The following GULP1 variants were observed in gnomAD, a reference collection of about 807,000 sequenced individuals.
GULP1 encodes GULP PTB domain containing engulfment adaptor 1.
A neutral mutation model predicts 40.9 loss-of-function variants in GULP1; 19 were observed. The observed-to-expected ratio is 0.46, with a 90% CI of 0.32 to 0.68. The LOEUF (loss-of-function observed/expected upper bound fraction) is 0.68. Ranked by LOEUF, GULP1 falls within the 30% of genes least tolerant of loss-of-function variation. The pLI is 0.03. For missense variants in GULP1, 312 were observed against 362.2 expected, an observed-to-expected ratio of 0.86 and a Z score of 1.12; for synonymous variants, 119 against 117.6, an observed-to-expected ratio of 1.01 and a Z score of -0.08.
intron 2 of GULP1, among the ~76,000 whole-genome samples, chr2:188,388,733 G>C (rs1236125696): frequency 6.6e-6 from 1 of 152,120 alleles, no homozygotes; most frequent in Non-Finnish European, 1.5e-5. Flanking sequence ...AAAATAAAAC[G>C]ATGAAGACAT....
intron 2 of GULP1, among the ~76,000 whole-genome samples, chr2:188,464,985 A>G (rs945140650): frequency 8.6e-5 from 13 of 152,012 alleles, no homozygotes; most frequent in African/African-American, 2.9e-4. Context: ...CTCAGAGCCC[A>G]CTTCATGCTC....
intron 1 of GULP1, among the ~76,000 whole-genome samples, chr2:188,347,348 G>A (rs944274425): frequency 1.3e-5 from 2 of 151,596 alleles, no homozygotes; most frequent in Non-Finnish European, 2.9e-5. Context: ...GCTCCTAATC[G>A]TAATGCTTTG....
At chr2:188,304,508 G>A (rs7593546) in intron 1 of GULP1, among the ~76,000 whole-genome samples, 73,103 of 152,004 alleles carry the variant, frequency 0.48, 18,231 homozygotes, top group East Asian at 0.71. Flanking sequence ...GTGGAACCAG[G>A]GCAATTGGTA....
At chr2:188,325,898 A>G (rs768467214) in intron 1 of GULP1, among the ~76,000 whole-genome samples, 14 of 152,160 alleles carry the variant, frequency 9.2e-5, no homozygotes, top group Admixed American at 5.9e-4. Flanking sequence ...CTCTGAACCA[A>G]TGCTTTTGTT....
intron 1 of GULP1, among the ~76,000 whole-genome samples, chr2:188,319,975 G>A (rs1266497832): frequency 2.0e-5 from 3 of 152,116 alleles, no homozygotes; most frequent in African/African-American, 7.2e-5. Flanking sequence ...ACTCTTTGTT[G>A]TCAAGGGAGT....
chr2:188,403,797 T>C (rs1270977892), intron 2 of GULP1, among the ~76,000 whole-genome samples: 2 of 152,198 alleles, frequency 1.3e-5, no homozygotes, highest in Non-Finnish European at 2.9e-5. Context: ...AGTAACTCAT[T>C]GCTAAGTTGG....
intron 2 of GULP1, among the ~76,000 whole-genome samples, chr2:188,431,410 C>A (rs369945329): frequency 6.6e-6 from 1 of 151,994 alleles, no homozygotes; most frequent in Admixed American, 6.5e-5. Flanking sequence ...AAAGGGTGGA[C>A]AGTTGAAAGC....
intron 7 of GULP1, among the ~76,000 whole-genome samples, chr2:188,557,700 C>G (rs1695139612): frequency 1.3e-5 from 2 of 152,226 alleles, no homozygotes; most frequent in African/African-American, 4.8e-5. Flanking sequence ...CCTTTTCTCA[C>G]AGCTTCACTA....
chr2:188,448,725 A>G (rs2058599645), intron 2 of GULP1, among the ~76,000 whole-genome samples: 1 of 152,156 alleles, frequency 6.6e-6, no homozygotes, highest in South Asian at 2.1e-4. Flanking sequence ...CCAATTTTGG[A>G]GGTGAGGCCT....
intron 2 of GULP1, among the ~76,000 whole-genome samples, chr2:188,454,663 G>A (rs1467515208): frequency 2.6e-5 from 4 of 152,192 alleles, no homozygotes; most frequent in African/African-American, 7.2e-5. Flanking sequence ...AGGACTTACT[G>A]GTGAAAAGGA....
intron 1 of GULP1, among the ~76,000 whole-genome samples, chr2:188,315,143 A>G (rs1296580362): frequency 6.6e-6 from 1 of 152,138 alleles, no homozygotes; most frequent in Non-Finnish European, 1.5e-5. Flanking sequence ...CATGGTGAAA[A>G]CTAATCTTCA....
intron 2 of GULP1, among the ~76,000 whole-genome samples, chr2:188,393,470 TG>T (rs2050795744): frequency 6.6e-6 from 1 of 152,042 alleles, no homozygotes; most frequent in African/African-American, 2.4e-5. Flanking sequence ...AGTCTTTATG[TG>T]TTAGGTGAGT....
intron 1 of GULP1, among the ~76,000 whole-genome samples, chr2:188,347,026 A>G (rs141239508): frequency 2.0e-5 from 3 of 152,210 alleles, no homozygotes; most frequent in Admixed American, 6.5e-5. Flanking sequence ...TACAGCTGAT[A>G]AAGCACTGCA....
chr2:188,493,182 T>G (rs1171123145), intron 4 of GULP1, among the ~76,000 whole-genome samples: 1 of 152,082 alleles, frequency 6.6e-6, no homozygotes, highest in Non-Finnish European at 1.5e-5. Flanking sequence ...CCCAACGACT[T>G]GGAAGTTTTG....
At chr2:188,542,831 A>G (rs976209207) in intron 7 of GULP1, among the ~76,000 whole-genome samples, 5 of 152,160 alleles carry the variant, frequency 3.3e-5, no homozygotes, top group Non-Finnish European at 7.4e-5. Flanking sequence ...TATTTGTTGA[A>G]TATCTTCTAC....
chr2:188,373,886 CAT>C (rs1395873908), intron 1 of GULP1, among the ~76,000 whole-genome samples: 2 of 151,962 alleles, frequency 1.3e-5, no homozygotes, highest in East Asian at 1.9e-4. Flanking sequence ...TCACCTGTAA[CAT>C]ATCACATTTA....
chr2:188,585,081 C>T (rs1702098887), intron 10 of GULP1, among the ~76,000 whole-genome samples: 1 of 152,080 alleles, frequency 6.6e-6, no homozygotes, highest in Non-Finnish European at 1.5e-5. Context: ...GCCACAGGCC[C>T]CTTGCAAGTT....
chr2:188,515,999 C>T (rs976235348), intron 4 of GULP1, among the ~76,000 whole-genome samples: 5 of 152,134 alleles, frequency 3.3e-5, no homozygotes, highest in African/African-American at 9.7e-5. Flanking sequence ...TTCTCCTAAG[C>T]CTCACTCACT....
intron 7 of GULP1, among the ~76,000 whole-genome samples, chr2:188,560,564 C>T (rs918515742): frequency 5.5e-4 from 83 of 152,210 alleles, no homozygotes; most frequent in African/African-American, 2.0e-3. Context: ...AGTTTTATAG[C>T]AATGCCCCAG....
Sources: allele counts gnomAD v4.1 joint callset (sites outside exome capture counted in the v4.1 genomes callset), GRCh38; gene constraint gnomAD v4.1.1; transcripts MANE v1.5; gene names NCBI Gene and HGNC (gene_info 2026-07-23, HGNC 2026-07-21).